The following CPT1A variants were observed in gnomAD, a reference collection of about 807,000 sequenced individuals.
CPT1A encodes carnitine O-palmitoyltransferase 1, liver isoform.
Under a neutral mutation model 100.8 loss-of-function variants are expected in CPT1A, and 64 were observed. The observed-to-expected ratio is 0.63, with a 90% CI of 0.52 to 0.78. The LOEUF (loss-of-function observed/expected upper bound fraction) is 0.78. Among genes scored for constraint, CPT1A ranks in the 30% least tolerant of loss-of-function variants. The pLI, the probability that CPT1A is intolerant of heterozygous loss-of-function variation, is 0.00. For missense variants in CPT1A, 802 were observed against 1,034.1 expected (o/e 0.78, Z 3.08); for synonymous variants, 363 against 396.0 (o/e 0.92, Z 0.99).
chr11:68,760,438 T>A, intron 16 of CPT1A, 100 bp from the exon 17 acceptor site: 2 of 896,402 alleles, frequency 2.2e-6, no homozygotes, highest in Non-Finnish European at 3.6e-6. Flanking sequence ...GTCTTTTGAT[T>A]GTTCCACACA....
intron 3 of CPT1A, among the ~76,000 whole-genome samples, chr11:68,809,969 G>A (rs943942263): frequency 2.0e-5 from 3 of 152,166 alleles, no homozygotes; most frequent in African/African-American, 7.2e-5. Flanking sequence ...CTTGAGGTCA[G>A]GAGTTCAAGA....
At chr11:68,788,653 A>C (rs1855535271) in intron 9 of CPT1A, among the ~76,000 whole-genome samples, 1 of 150,508 alleles carries the variant, frequency 6.6e-6, no homozygotes, top group African/African-American at 2.4e-5. Flanking sequence ...AAAAAAAAAA[A>C]AGCAGAATGT....
At chr11:68,782,848 G>A (rs963764045) in intron 10 of CPT1A, among the ~76,000 whole-genome samples, 4 of 152,186 alleles carry the variant, frequency 2.6e-5, no homozygotes, top group South Asian at 2.1e-4. Flanking sequence ...GACGGTGGCC[G>A]GCACGTACGG....
At chr11:68,764,327 C>T (rs1315703948) in intron 14 of CPT1A, among the ~76,000 whole-genome samples, 1 of 152,202 alleles carries the variant, frequency 6.6e-6, no homozygotes, top group Non-Finnish European at 1.5e-5. Flanking sequence ...CATCCCTGCA[C>T]ATTAGTGTGC....
intron 1 of CPT1A, among the ~76,000 whole-genome samples, chr11:68,833,703 C>T (rs1485802347): frequency 6.6e-6 from 1 of 151,788 alleles, no homozygotes; most frequent in Non-Finnish European, 1.5e-5. Flanking sequence ...CACCGCACTC[C>T]AGCCTGGGCA....
At chr11:68,766,831 A>G (rs1854820266) in intron 14 of CPT1A, among the ~76,000 whole-genome samples, 1 of 152,012 alleles carries the variant, frequency 6.6e-6, no homozygotes, top group African/African-American at 2.4e-5. Flanking sequence ...AGGAGGAAAA[A>G]AAAAAAAAAA....
At chr11:68,816,892 TGGTGTGTGTG>T (rs1381748077) in intron 1 of CPT1A, among the ~76,000 whole-genome samples, 5 of 120,756 alleles carry the variant, frequency 4.1e-5, no homozygotes, top group African/African-American at 1.6e-4. Flanking sequence ...TATGTGTGTG[TGGTGTGTGTG>T]GGTGTGTGTG....
intron 1 of CPT1A, among the ~76,000 whole-genome samples, chr11:68,824,431 C>T (rs1856669121): frequency 6.6e-6 from 1 of 151,924 alleles, no homozygotes; most frequent in Non-Finnish European, 1.5e-5. Flanking sequence ...ATGCAAAATG[C>T]CTGTGTAACA....
chr11:68,763,879 G>A (rs1319655351), intron 14 of CPT1A, among the ~76,000 whole-genome samples: 8 of 152,222 alleles, frequency 5.3e-5, no homozygotes, highest in Admixed American at 2.0e-4. Context: ...GGCTGAACCC[G>A]GGAGCCTCTG....
chr11:68,807,758 C>A, intron 3 of CPT1A, 120 bp from the exon 4 acceptor site: 1 of 956,840 alleles, frequency 1.0e-6, no homozygotes, highest in Non-Finnish European at 1.6e-6. Flanking sequence ...CCAGGTACAG[C>A]CGGGAAAGTC....
At chr11:68,823,511 G>A (rs1187997849) in intron 1 of CPT1A, among the ~76,000 whole-genome samples, 5 of 152,056 alleles carry the variant, frequency 3.3e-5, no homozygotes, top group East Asian at 1.9e-4. Context: ...GAAATTGGCC[G>A]GGCACGGTGG....
In CPT1A at chr11:68,828,749, G is replaced by A. The variant is rs1170571206; in HGVS notation, c.-14+13026C>T. ...TGGCCTGAGGCTTGGGCAAGCGTCC[G>A]CCTCCTCTGGCTGGTGGGGGCTCTG... is the stretch of plus-strand genomic sequence containing the variant. On this transcript the variant is annotated intron_variant, in intron 1 of 18. Coordinates refer to ENST00000265641, the MANE Select transcript of CPT1A (RefSeq NM_001876.4). Among the ~76,000 whole-genome samples, 4 of 152,318 alleles carry A rather than the reference G, an allele frequency of 2.6e-5. No homozygotes were observed. The East Asian group carries it at 5.8e-4, about 22-fold the overall frequency.
intron 1 of CPT1A, among the ~76,000 whole-genome samples, chr11:68,833,078 G>A (rs903038408): frequency 2.6e-5 from 4 of 152,274 alleles, no homozygotes; most frequent in East Asian, 1.9e-4. Context: ...GCCAGCCTCC[G>A]GGACTGGCTC....
At chr11:68,786,591 C>T (rs1229281245) in intron 9 of CPT1A, among the ~76,000 whole-genome samples, 1 of 152,188 alleles carries the variant, frequency 6.6e-6, no homozygotes, top group Non-Finnish European at 1.5e-5. Context: ...AGTGCAGTGG[C>T]GCGATCTCGG....
intron 18 of CPT1A, 89 bp from the exon 19 acceptor site, chr11:68,757,819 T>A (rs1346207676): frequency 4.7e-6 from 5 of 1,070,736 alleles, no homozygotes. Context: ...GACCCAATGT[T>A]TCATTGAAAT....
intron 3 of CPT1A, among the ~76,000 whole-genome samples, chr11:68,809,708 G>A (rs60217966): frequency 0.075 from 11,346 of 152,270 alleles, 858 homozygotes; most frequent in African/African-American, 0.19. Flanking sequence ...GCTGGAAGAC[G>A]TTGGCCCTTA....
chr11:68,837,691 G>C (rs899104827), intron 1 of CPT1A, among the ~76,000 whole-genome samples: 17 of 152,082 alleles, frequency 1.1e-4, no homozygotes, highest in Middle Eastern at 3.2e-3. Context: ...AGGGTGCTTC[G>C]GGCAGGGCGA....
chr11:68,801,880 C>T (rs1157217315), intron 5 of CPT1A, among the ~76,000 whole-genome samples: 2 of 152,140 alleles, frequency 1.3e-5, no homozygotes, highest in Admixed American at 6.6e-5. Flanking sequence ...CCAGCAATTC[C>T]ACTCCTGGAT....
At chr11:68,793,484 G>T (rs1440857225) in intron 8 of CPT1A, 82 bp from the exon 9 acceptor site, 3 of 1,089,898 alleles carry the variant, frequency 2.8e-6, no homozygotes, top group Non-Finnish European at 4.0e-6. Flanking sequence ...GGTGGCTCAC[G>T]CCTGTAATCC....
Sources: gnomAD v4.1 joint callset for allele counts (sites outside exome capture counted in the v4.1 genomes callset) on GRCh38, gnomAD v4.1.1 for gene constraint, MANE v1.5 for transcripts, NCBI Gene and HGNC (gene_info 2026-07-23, HGNC 2026-07-21) for gene names.